KCNK2: variants seen among roughly 807,000 people sequenced by gnomAD.
KCNK2 encodes potassium channel subfamily K member 2.
KCNK2 carries 21 observed loss-of-function variants against 40.5 expected under a neutral mutation model. The ratio of observed to expected loss-of-function variants is 0.52; its 90% confidence interval spans 0.37 to 0.75. The LOEUF is 0.75. Among genes scored for constraint, KCNK2 ranks in the 30% least tolerant of loss-of-function variants. The probability of loss-of-function intolerance (pLI) is 0.00; values close to 1 mark genes in which losing one functional copy is unlikely to be tolerated. For synonymous variants in KCNK2, 191 were observed against 202.2 expected, an observed-to-expected ratio of 0.94 and a Z score of 0.47; for missense variants, 399 against 531.6, an observed-to-expected ratio of 0.75 and a Z score of 2.45.
At chr1:215,230,666 T>C (rs1478247109) in intron 6 of KCNK2, among the ~76,000 whole-genome samples, 4 of 146,214 alleles carry the variant, frequency 2.7e-5, no homozygotes, top group African/African-American at 1.0e-4. Context: ...CCCTATTTTA[T>C]AGATAAGGAA....
At chr1:215,064,721 CTG>C (rs1031989067) in intron 1 of KCNK2, among the ~76,000 whole-genome samples, 19 of 152,178 alleles carry the variant, frequency 1.2e-4, no homozygotes, top group African/African-American at 4.6e-4. Flanking sequence ...AGGGGCCACT[CTG>C]TTTTTCTTTA....
rs1659252556 is a variant in KCNK2, at chr1:215,083,201, C to CCT, written c.-184_-183insTC. On this transcript the variant is annotated 5_prime_UTR_variant, in exon 1 of 7. Transcript: ENST00000444842. ...TTTCGTTTCTTCTCACGCTCCCCCC[C>CCT]CCGCCCCCTCCCGCGTCCAGCCCCG... 9 of 753,778 alleles carry CCT rather than the reference C, an allele frequency of 1.2e-5. No individual in the cohort carries two copies. The highest frequency in any genetic ancestry group is 2.3e-5 in the Admixed American group (1 of 42,948). 46.7% of individuals were successfully genotyped at this position (753,778 alleles called of 1,614,324 possible).
intron 3 of KCNK2, 71 bp from the exon 4 acceptor site, chr1:215,169,128 C>T: frequency 7.8e-7 from 1 of 1,282,816 alleles, no homozygotes; most frequent in Non-Finnish European, 1.1e-6. Flanking sequence ...TTTGGAGTTT[C>T]TGAATCAATC....
At chr1:215,224,203 C>G (rs1431566379) in intron 6 of KCNK2, among the ~76,000 whole-genome samples, 4 of 152,060 alleles carry the variant, frequency 2.6e-5, no homozygotes, top group African/African-American at 7.2e-5. Context: ...TACTATTCAA[C>G]AATGAAATTC....
intron 1 of KCNK2, among the ~76,000 whole-genome samples, chr1:215,049,835 G>A (rs2102498664): frequency 6.6e-6 from 1 of 152,168 alleles, no homozygotes; most frequent in East Asian, 1.9e-4. Flanking sequence ...TTAGTTGTGG[G>A]TTCTCTATTA....
intron 2 of KCNK2, 98 bp downstream of exon 2, chr1:215,086,776 G>A: frequency 9.1e-7 from 1 of 1,098,386 alleles, no homozygotes; most frequent in Non-Finnish European, 1.3e-6. Context: ...AGGTGTGCTG[G>A]TGGGAGCCCT....
At chr1:215,191,271 G>A (rs1307098305) in intron 5 of KCNK2, among the ~76,000 whole-genome samples, 2 of 134,160 alleles carry the variant, frequency 1.5e-5, no homozygotes, top group African/African-American at 5.2e-5. Context: ...GTGACAGAGT[G>A]AGGCTGCATC....
intron 2 of KCNK2, among the ~76,000 whole-genome samples, chr1:215,109,376 A>C (rs1284736515): frequency 1.3e-5 from 2 of 151,692 alleles, no homozygotes; most frequent in Non-Finnish European, 2.9e-5. Context: ...CACCCTTCCT[A>C]GTCTCTAGTG....
At chr1:215,168,262 T>G (rs1663540307) in intron 3 of KCNK2, among the ~76,000 whole-genome samples, 2 of 152,160 alleles carry the variant, frequency 1.3e-5, no homozygotes, top group Non-Finnish European at 2.9e-5. Flanking sequence ...GGTGGAAATG[T>G]AAATTAGTTC....
intron 3 of KCNK2, among the ~76,000 whole-genome samples, chr1:215,145,760 A>G (rs1384628957): frequency 6.6e-6 from 1 of 152,208 alleles, no homozygotes; most frequent in Non-Finnish European, 1.5e-5. Context: ...TGTGATTTCC[A>G]GAAAGTGCTT....
intron 1 of KCNK2, among the ~76,000 whole-genome samples, chr1:215,065,540 G>C (rs1658509721): frequency 6.6e-6 from 1 of 152,140 alleles, no homozygotes; most frequent in Non-Finnish European, 1.5e-5. Flanking sequence ...CTGACTAGAG[G>C]TAAATTATGA....
intron 2 of KCNK2, among the ~76,000 whole-genome samples, chr1:215,092,477 A>G (rs754100317): frequency 6.6e-6 from 1 of 152,188 alleles, no homozygotes; most frequent in Non-Finnish European, 1.5e-5. Flanking sequence ...GGAAAATGAT[A>G]GACATATAGC....
chr1:215,053,530 A>C (rs1163211587), intron 1 of KCNK2, among the ~76,000 whole-genome samples: 1 of 152,226 alleles, frequency 6.6e-6, no homozygotes, highest in Non-Finnish European at 1.5e-5. Context: ...AAGATATTGA[A>C]TGTTTTTCTG....
chr1:215,218,067 G>A (rs1666027130), intron 6 of KCNK2, among the ~76,000 whole-genome samples: 1 of 152,150 alleles, frequency 6.6e-6, no homozygotes, highest in Non-Finnish European at 1.5e-5. Context: ...GGGGAATAGA[G>A]GAGTGAAGGA....
intron 6 of KCNK2, among the ~76,000 whole-genome samples, chr1:215,231,450 A>T (rs1007651941): frequency 6.6e-6 from 1 of 152,154 alleles, no homozygotes; most frequent in African/African-American, 2.4e-5. Context: ...AGTGCCTGCT[A>T]TGTGCTCGGT....
chr1:215,005,570 C>T (rs528446708), upstream of KCNK2, among the ~76,000 whole-genome samples: 1 of 152,290 alleles, frequency 6.6e-6, no homozygotes, highest in East Asian at 1.9e-4. Flanking sequence ...GTGACGCTGG[C>T]AACTTTGATA....
intron 2 of KCNK2, among the ~76,000 whole-genome samples, chr1:215,101,102 C>A (rs1314834539): frequency 6.6e-6 from 1 of 151,984 alleles, no homozygotes; most frequent in East Asian, 1.9e-4. Context: ...GTTCATTTAT[C>A]CATTCTGTGT....
At chr1:215,023,861 A>G (rs1224815231) in intron 1 of KCNK2, among the ~76,000 whole-genome samples, 1 of 152,024 alleles carries the variant, frequency 6.6e-6, no homozygotes, top group Non-Finnish European at 1.5e-5. Flanking sequence ...CCTACATTAT[A>G]CTCTATTTTG....
chr1:215,106,449 TG>T (rs1660443698), intron 2 of KCNK2, among the ~76,000 whole-genome samples: 1 of 152,084 alleles, frequency 6.6e-6, no homozygotes, highest in South Asian at 2.1e-4. Flanking sequence ...TTTTTTTTCT[TG>T]ATTTAAGTTC....
Sources: gnomAD v4.1 joint callset for allele counts (sites outside exome capture counted in the v4.1 genomes callset) on GRCh38, gnomAD v4.1.1 for gene constraint, MANE v1.5 for transcripts, NCBI Gene and HGNC (gene_info 2026-07-23, HGNC 2026-07-21) for gene names.